FIGN: variants seen among roughly 807,000 people sequenced by gnomAD.
The protein encoded by FIGN is fidgetin, microtubule severing factor, also known as fidgetin.
Under a neutral mutation model 51.3 loss-of-function variants are expected in FIGN, and 11 were observed. That is an observed-to-expected ratio of 0.21 (90% CI 0.13 to 0.35). FIGN has a LOEUF of 0.35. Among genes scored for constraint, FIGN ranks in the 10% least tolerant of loss-of-function variants. FIGN has a pLI of 1.00. For synonymous variants in FIGN, 407 were observed against 363.2 expected, an observed-to-expected ratio of 1.12 and a Z score of -1.37; for missense variants, 857 against 943.6, an observed-to-expected ratio of 0.91 and a Z score of 1.20.
At chr2:163,726,496 A>G (rs1684839891) in intron 2 of FIGN, among the ~76,000 whole-genome samples, 1 of 152,098 alleles carries the variant, frequency 6.6e-6, no homozygotes, top group Non-Finnish European at 1.5e-5. Flanking sequence ...TTCTTCAAAA[A>G]TGACTCATAA....
Position 163,606,558 on chromosome 2 carries a change from T to C in FIGN, c.*2994A>G, listed in dbSNP as rs1021563965. 6.6e-6 allele frequency: 1 copy of C among 152,264 alleles called. No homozygotes were observed. The highest frequency in any genetic ancestry group is 2.4e-5 in the African/African-American group (1 of 41,448). The allele number at this position is 152,264 out of a possible 1,614,324, so 9.4% of individuals were successfully genotyped here. A position where few individuals can be genotyped will look rare whatever the true frequency, so the allele number is the denominator to read the frequency against. ...AAGGGTATGAAGCCCCATTACTCAG[T>C]TGTACTATCACCGACTGTACACATT... On this transcript the variant is annotated 3_prime_UTR_variant, in exon 3 of 3. Transcript: ENST00000333129.
At chr2:163,659,552 G>C (rs954106496) in intron 2 of FIGN, among the ~76,000 whole-genome samples, 2 of 152,144 alleles carry the variant, frequency 1.3e-5, no homozygotes, top group Admixed American at 6.5e-5. Flanking sequence ...GAAACCCTAA[G>C]TCCCATCAAA....
intron 2 of FIGN, among the ~76,000 whole-genome samples, chr2:163,660,026 G>T (rs187622060): frequency 6.6e-6 from 1 of 151,944 alleles, no homozygotes; most frequent in Admixed American, 6.6e-5. Flanking sequence ...GCTTGAACCC[G>T]GGAGGCAGAG....
intron 2 of FIGN, chr2:163,612,287 A>G (rs1691281627): frequency 1.0e-6 from 1 of 983,472 alleles, no homozygotes; most frequent in East Asian, 1.1e-4. Flanking sequence ...ATTTTAAGCA[A>G]TATAAAAATG....
At chr2:163,678,251 C>T (rs1239501936) in intron 2 of FIGN, among the ~76,000 whole-genome samples, 1 of 152,016 alleles carries the variant, frequency 6.6e-6, no homozygotes, top group Admixed American at 6.6e-5. Flanking sequence ...GATGCAGTCT[C>T]GCTCTGTCAC....
intron 2 of FIGN, among the ~76,000 whole-genome samples, chr2:163,679,701 T>C (rs905249099): frequency 6.6e-6 from 1 of 152,208 alleles, no homozygotes; most frequent in Non-Finnish European, 1.5e-5. Flanking sequence ...TTTCCTTGGT[T>C]CCTTGCTTTC....
chr2:163,679,923 C>A (rs1026973976), intron 2 of FIGN, among the ~76,000 whole-genome samples: 1 of 152,156 alleles, frequency 6.6e-6, no homozygotes, highest in Non-Finnish European at 1.5e-5. Flanking sequence ...GGTACATGCA[C>A]TTTCTTTGAT....
At chr2:163,730,483 T>C (rs753741823) in intron 2 of FIGN, among the ~76,000 whole-genome samples, 10 of 150,016 alleles carry the variant, frequency 6.7e-5, no homozygotes, top group Non-Finnish European at 1.5e-4. Flanking sequence ...ATAGGTACAA[T>C]CTCTCTCTCT....
At chr2:163,691,235 CTGTT>C (rs781612975) in intron 2 of FIGN, among the ~76,000 whole-genome samples, 44 of 152,278 alleles carry the variant, frequency 2.9e-4, no homozygotes, top group Non-Finnish European at 5.3e-4. Context: ...AGACTGCACA[CTGTT>C]TGTAAAATCT....
intron 2 of FIGN, among the ~76,000 whole-genome samples, chr2:163,660,701 A>ATATTTTTTTTTTTTTTTTTTT (rs1683641158): frequency 2.5e-5 from 3 of 122,176 alleles, no homozygotes; most frequent in East Asian, 4.5e-4. Context: ...ATACATATAT[A>ATATTTTTTTTTTTTTTTTTTT]TGTATACACA....
intron 2 of FIGN, among the ~76,000 whole-genome samples, chr2:163,630,961 T>C (rs989790189): frequency 1.4e-4 from 22 of 152,326 alleles, no homozygotes; most frequent in Non-Finnish European, 2.8e-4. Context: ...ATCTTCCTAT[T>C]TCATAACAAA....
At chr2:163,688,108 T>C (rs1267323711) in intron 2 of FIGN, among the ~76,000 whole-genome samples, 4 of 152,176 alleles carry the variant, frequency 2.6e-5, no homozygotes, top group East Asian at 1.9e-4. Context: ...ACAAAGAAGA[T>C]ACATGTATAT....
At chr2:163,727,383 TA>T (rs34099693) in intron 2 of FIGN, among the ~76,000 whole-genome samples, 91,457 of 147,692 alleles carry the variant, frequency 0.62, 29,398 homozygotes, top group Non-Finnish European at 0.72. Context: ...ATGGCTTAGT[TA>T]AAAAAAAAAA....
chr2:163,611,034 C>A lies in FIGN; in HGVS notation c.798G>T (p.Gly266=). 2 of 1,613,792 alleles carry A rather than the reference C, an allele frequency of 1.2e-6. No individual in the cohort carries two copies. The highest frequency in any genetic ancestry group is 2.2e-5 in the South Asian group (2 of 91,076). ...GGTACGCTGAAGGCGGAGGCGGTGC[C>A]CCCCCAGGGCTGTACCCAGACCCCA... is the stretch of plus-strand genomic sequence containing the variant. The part of the protein sequence containing the change: ...TAVGSGYSPG[G]APPPPSAYLP... Residue 266 remains glycine, a synonymous_variant, in exon 3 of 3, where the codon GGG becomes GGT. Transcript: ENST00000333129.
rs1198081573 is a variant in FIGN, at chr2:163,609,794, G to T, written c.2038C>A (p.Leu680Met). 6.2e-7 allele frequency: 1 copy of T among 1,614,168 alleles called. No homozygotes were observed. The highest frequency in any genetic ancestry group is 1.7e-5 in the Admixed American group (1 of 60,022). Residue 680 changes from leucine to methionine, a missense_variant, in exon 3 of 3, where the codon CTG becomes ATG. By Grantham distance (15) the Leu-to-Met change is conservative (BLOSUM62 2). Coordinates refer to ENST00000333129, the MANE Select transcript of FIGN (RefSeq NM_018086.4). ...AAGCCTTCTGTGCGCTGGACGAGCA[G>T]TGCAAACTCCTTGTCATTGAGACAG... Reference protein sequence around the residue: ...NYCLNDKEFALLVQRTEGFSG... With the variant: ...NYCLNDKEFAMLVQRTEGFSG...
At chr2:163,709,149 G>A (rs916811856) in intron 2 of FIGN, among the ~76,000 whole-genome samples, 2 of 152,020 alleles carry the variant, frequency 1.3e-5, no homozygotes, top group Non-Finnish European at 2.9e-5. Flanking sequence ...TTTGACCTTG[G>A]CAAACACAGA....
At chr2:163,723,914 C>A (rs1684798676) in intron 2 of FIGN, among the ~76,000 whole-genome samples, 1 of 152,106 alleles carries the variant, frequency 6.6e-6, no homozygotes, top group South Asian at 2.1e-4. Context: ...AATAAATGGT[C>A]CTTGAGCTTT....
At chr2:163,626,381 A>C (rs1683053907) in intron 2 of FIGN, among the ~76,000 whole-genome samples, 1 of 152,154 alleles carries the variant, frequency 6.6e-6, no homozygotes, top group African/African-American at 2.4e-5. Flanking sequence ...ACAAAAAACT[A>C]AGAGGGTTCA....
At chr2:163,697,409 ATGATTACTTATGTGTC>A (rs1684339539) in intron 2 of FIGN, among the ~76,000 whole-genome samples, 1 of 151,988 alleles carries the variant, frequency 6.6e-6, no homozygotes. Context: ...CCTCTGTGTC[ATGATTACTTATGTGTC>A]CATCTCCCCC....
Sources: gnomAD v4.1 joint callset for allele counts (sites outside exome capture counted in the v4.1 genomes callset) on GRCh38, gnomAD v4.1.1 for gene constraint, MANE v1.5 for transcripts, NCBI Gene and HGNC (gene_info 2026-07-23, HGNC 2026-07-21) for gene names.